Variants in UBAP2L observed in about 807,000 individuals in gnomAD.
UBAP2L encodes ubiquitin-associated protein 2-like.
A neutral mutation model predicts 130.6 loss-of-function variants in UBAP2L; 12 were observed. The ratio of observed to expected loss-of-function variants is 0.09; its 90% CI spans 0.06 to 0.15. The LOEUF (loss-of-function observed/expected upper bound fraction) is 0.15, where lower values mean the gene tolerates loss of function less well. UBAP2L is among the 10% of genes least tolerant of loss of function. UBAP2L has a pLI of 1.00. For missense variants in UBAP2L, 965 were observed against 1,332.5 expected (o/e 0.72, Z 4.29); for synonymous variants, 503 against 524.7 (o/e 0.96, Z 0.57).
chr1:154,266,639 A>G, intron 25 of UBAP2L, 71 bp downstream of exon 25: 2 of 1,504,986 alleles, frequency 1.3e-6, no homozygotes, highest in African/African-American at 1.4e-5. Context: ...AATGGTAGAA[A>G]TAACAGTGGA....
intron 8 of UBAP2L, among the ~76,000 whole-genome samples, chr1:154,239,019 G>A (rs1020060552): frequency 1.3e-5 from 2 of 152,136 alleles, no homozygotes; most frequent in African/African-American, 4.8e-5. Context: ...GGGATTACAG[G>A]TGTGAGCCAC....
chr1:154,252,010 G>T (rs924581611), intron 14 of UBAP2L, among the ~76,000 whole-genome samples: 1 of 152,090 alleles, frequency 6.6e-6, no homozygotes, highest in Admixed American at 6.5e-5. Flanking sequence ...GTTTCACTCT[G>T]TTGCTTAGGC....
rs749218284 is a variant in UBAP2L, at chr1:154,234,691, A to G, written c.380A>G (p.Asp127Gly). 1 of 1,613,896 alleles carries G rather than the reference A, an allele frequency of 6.2e-7. No individual in the cohort carries two copies. Among genetic ancestry groups the G allele is most frequent in the South Asian group, 1.1e-5 (1 of 91,022 alleles). The change falls in exon 5 of 27, where the codon GAC (aspartate) becomes GGC (glycine). Residue 127 changes from aspartate to glycine, a missense_variant. This residue lies in a region of UBAP2L where 109 missense variants were observed against 146.6 expected (regional missense o/e 0.74). Coordinates refer to ENST00000428931, the MANE Select transcript of UBAP2L (RefSeq NM_014847.4). ...NEEGKENRDR[D>G]RDYSRRRGGP... ...GAAGGCAAAGAAAATCGAGACCGGG[A>G]CAGAGACTATAGTCGGCGACGTGGT...
At position 154,234,760 on chromosome 1, in the gene UBAP2L, G is replaced by A. The variant is rs939725092; in HGVS notation, c.448+1G>A. 8 of 1,583,332 alleles carry A rather than the reference G, an allele frequency of 5.1e-6. No homozygotes were observed. The Admixed American group carries it at 1.3e-4, about 25-fold the overall frequency. On this transcript the variant is annotated splice_donor_variant, in intron 5 of 26. Transcript: ENST00000428931. LOFTEE classifies it high-confidence loss of function. ...AGAGGTGCCAGCCGTGGACGAGAGT[G>A]TATGCATGGGGCTTTATCAAAACCA...
intron 4 of UBAP2L, among the ~76,000 whole-genome samples, chr1:154,231,567 C>T (rs374841406): frequency 1.3e-5 from 2 of 152,244 alleles, no homozygotes; most frequent in African/African-American, 4.8e-5. Flanking sequence ...TCGGAAAGTG[C>T]TGGGATTATA....
chr1:154,263,533 G>T (rs1194600), intron 24 of UBAP2L: 1 of 1,013,412 alleles, frequency 9.9e-7, no homozygotes, highest in Non-Finnish European at 1.2e-6. Flanking sequence ...GCATGTCTTT[G>T]TGGACACTAG....
At chr1:154,258,262 A>G (rs1680331909) in intron 20 of UBAP2L, among the ~76,000 whole-genome samples, 4 of 152,176 alleles carry the variant, frequency 2.6e-5, no homozygotes, top group Admixed American at 2.6e-4. Context: ...GGCCTGAGCC[A>G]CTACTCCTGG....
intron 8 of UBAP2L, among the ~76,000 whole-genome samples, chr1:154,239,798 A>G (rs1672896953): frequency 1.3e-5 from 2 of 152,218 alleles, no homozygotes; most frequent in African/African-American, 2.4e-5. Flanking sequence ...TCGAGCCAGG[A>G]TAAGATGGAT....
At chr1:154,269,164 CT>C in intron 26 of UBAP2L, 2 of 853,606 alleles carry the variant, frequency 2.3e-6, no homozygotes, top group African/African-American at 1.7e-5. Flanking sequence ...GGGTTGAAAC[CT>C]TTTTTGCCCA....
rs1301319203 is a variant in UBAP2L, at chr1:154,255,306, T to C, written c.2064T>C (p.Thr688=). 6.2e-7 allele frequency: 1 copy of C among 1,613,974 alleles called. No individual in the cohort carries two copies. Among genetic ancestry groups the C allele is most frequent in the African/African-American group, 1.3e-5 (1 of 74,950 alleles). ...GLSHSEEIPN[T]TTTQHSSTLS... is the part of the protein sequence containing the mutation. Reference sequence around the variant, plus strand: ...GCCACAGTGAGGAGATTCCAAATACTACCACCACACAACACAGCAGGTGAT... The same window carrying C: ...GCCACAGTGAGGAGATTCCAAATACCACCACCACACAACACAGCAGGTGAT... Residue 688 remains threonine (T), a synonymous_variant, in exon 17 of 27, where the codon ACT becomes ACC. Transcript: ENST00000428931.
chr1:154,245,747 T>C (rs1675237370), intron 10 of UBAP2L, among the ~76,000 whole-genome samples: 2 of 150,880 alleles, frequency 1.3e-5, no homozygotes, highest in Non-Finnish European at 3.0e-5. Flanking sequence ...ACCCCTTCTC[T>C]ATTAAAAATA....
chr1:154,245,081 G>T (rs990066853), intron 10 of UBAP2L, among the ~76,000 whole-genome samples: 1 of 152,092 alleles, frequency 6.6e-6, no homozygotes, highest in South Asian at 2.1e-4. Flanking sequence ...GTAGGCACCC[G>T]CCACCACGCC....
At chr1:154,252,061 C>T (rs1397205557) in intron 14 of UBAP2L, among the ~76,000 whole-genome samples, 1 of 151,904 alleles carries the variant, frequency 6.6e-6, no homozygotes, top group Admixed American at 6.6e-5. Flanking sequence ...GCAACCTCTG[C>T]CACCCGGGTT....
At chr1:154,221,561 C>T (rs532779248) in intron 1 of UBAP2L, among the ~76,000 whole-genome samples, 12 of 152,300 alleles carry the variant, frequency 7.9e-5, no homozygotes, top group South Asian at 2.1e-4. Flanking sequence ...ATGTGGCCCT[C>T]AGTTTGGTGT....
upstream of UBAP2L, chr1:154,220,300 G>A (rs751518489): frequency 5.0e-6 from 8 of 1,609,304 alleles, no homozygotes; most frequent in East Asian, 1.6e-4. Context: ...TCTCTACTGG[G>A]TAAGATGCGA....
chr1:154,267,603 A>C (rs971729764), intron 25 of UBAP2L, among the ~76,000 whole-genome samples: 1 of 150,784 alleles, frequency 6.6e-6, no homozygotes, highest in African/African-American at 2.4e-5. Flanking sequence ...CTATAGGTGT[A>C]CACCACCAGG....
At chr1:154,229,615 C>T (rs1299091854) in intron 4 of UBAP2L, among the ~76,000 whole-genome samples, 2 of 151,962 alleles carry the variant, frequency 1.3e-5, no homozygotes, top group African/African-American at 4.8e-5. Context: ...AGGCATGGGC[C>T]ACCATGTCCA....
intron 4 of UBAP2L, among the ~76,000 whole-genome samples, chr1:154,229,971 C>A (rs1383954144): frequency 6.6e-6 from 1 of 152,112 alleles, no homozygotes; most frequent in Non-Finnish European, 1.5e-5. Context: ...TCCTGTGCCT[C>A]AGCCTCCAGA....
chr1:154,268,166 G>A (rs1286710367), intron 25 of UBAP2L, among the ~76,000 whole-genome samples: 1 of 151,902 alleles, frequency 6.6e-6, no homozygotes, highest in Non-Finnish European at 1.5e-5. Flanking sequence ...TGGGATTACA[G>A]GCATGGGCCA....
Sources: gnomAD v4.1 joint callset for allele counts (sites outside exome capture counted in the v4.1 genomes callset) on GRCh38, gnomAD v4.1.1 for gene constraint, gnomAD v4.1.1 regional missense constraint, MANE v1.5 for transcripts, NCBI Gene and HGNC (gene_info 2026-07-23, HGNC 2026-07-21) for gene names.